LDHAL6A: variants seen among roughly 807,000 people sequenced by gnomAD.
LDHAL6A encodes the protein lactate dehydrogenase A like 6A.
In LDHAL6A, 19 loss-of-function variants were observed where a neutral mutation model predicts 28.2. The ratio of observed to expected loss-of-function variants is 0.67; its 90% CI spans 0.47 to 0.99. The LOEUF (loss-of-function observed/expected upper bound fraction) is 0.99. Among genes scored for constraint, LDHAL6A ranks in the 50% least tolerant of loss-of-function variants. LDHAL6A has a pLI of 0.00. For missense variants in LDHAL6A, 372 were observed against 398.6 expected (o/e 0.93, Z 0.57); for synonymous variants, 144 against 134.4 (o/e 1.07, Z -0.49).
intron 1 of LDHAL6A, among the ~76,000 whole-genome samples, chr11:18,462,448 T>C (rs576265304): frequency 4.6e-4 from 69 of 151,540 alleles, no homozygotes; most frequent in African/African-American, 1.6e-3. Context: ...CCATCCTGGC[T>C]AACACGGTGA....
Position 18,477,884 on chromosome 11 carries a change from G to A in LDHAL6A, c.834+141G>A, listed in dbSNP as rs1812996713. On this transcript the variant is annotated intron_variant, in intron 6 of 6. Transcript: ENST00000280706. ...AGTCTGTTCTTTGCTGCTGAAGAGT[G>A]GGGAGATTGGGGAAAGAGCCTATCT... is the stretch of plus-strand genomic sequence containing the variant. 5 of 665,460 alleles carry A rather than the reference G, an allele frequency of 7.5e-6. No individual in the cohort carries two copies. In the East Asian group the frequency reaches 1.2e-4, roughly 16 times the overall value. The allele number at this position is 665,460 out of a possible 1,614,324, so 41.2% of individuals were successfully genotyped here.
At chr11:18,474,709 A>G (rs1849330691) in intron 3 of LDHAL6A, among the ~76,000 whole-genome samples, 4 of 152,058 alleles carry the variant, frequency 2.6e-5, no homozygotes, top group African/African-American at 7.2e-5. Context: ...TTAAAAAAAT[A>G]TATTTTTTAG....
At position 18,477,693 on chromosome 11, in the gene LDHAL6A, A is replaced by C. The variant is rs1207420595; in HGVS notation, c.784A>C (p.Ser262Arg). ...CCTATCTGTAGCTGATTTAACAGAA[A>C]GTATTTTGAAGAATCTTAGGAGAGT... ...ISLSVADLTE[S>R]ILKNLRRVHP... The change falls in exon 6 of 7, where the codon AGT becomes CGT. Residue 262 changes from serine (S) to arginine (R), a missense_variant. Coordinates refer to ENST00000280706, the MANE Select transcript of LDHAL6A (RefSeq NM_144972.5). 5 of 1,613,338 alleles carry C rather than the reference A, an allele frequency of 3.1e-6. No individual in the cohort carries two copies. Among genetic ancestry groups the C allele is most frequent in the Non-Finnish European group, 4.2e-6 (5 of 1,179,720 alleles).
intron 2 of LDHAL6A, among the ~76,000 whole-genome samples, chr11:18,464,589 C>A (rs1365618963): frequency 1.3e-5 from 2 of 152,060 alleles, no homozygotes; most frequent in African/African-American, 4.8e-5. Context: ...GTGGTGCATG[C>A]CTGTAACCCC....
chr11:18,462,646 ACAAACAAACAAAAAAAAAAAC>A (rs1565067271), intron 1 of LDHAL6A, among the ~76,000 whole-genome samples: 3 of 69,432 alleles, frequency 4.3e-5, no homozygotes, highest in African/African-American at 2.8e-4. Context: ...CAAAAAACAA[ACAAACAAACAAAAAAAAAAAC>A]AAAAAAAACC....
At chr11:18,471,684 G>A (rs2133884414) in intron 3 of LDHAL6A, among the ~76,000 whole-genome samples, 1 of 150,986 alleles carries the variant, frequency 6.6e-6, no homozygotes, top group South Asian at 2.1e-4. Flanking sequence ...CAGAACTTTG[G>A]GAGGCTGAGG....
chr11:18,462,651 C>CAAAAAAAAA (rs1306112384), intron 1 of LDHAL6A, among the ~76,000 whole-genome samples: 1 of 54,398 alleles, frequency 1.8e-5, no homozygotes, highest in Non-Finnish European at 3.6e-5. Context: ...AACAAACAAA[C>CAAAAAAAAA]AAACAAAAAA....
chr11:18,475,494 G>C lies in LDHAL6A; in HGVS notation c.447G>C (p.Lys149Asn). Residue 149 changes from lysine (K) to asparagine (N), a missense_variant, in exon 4 of 7, where the codon AAG becomes AAC. Coordinates refer to ENST00000280706, the MANE Select transcript of LDHAL6A (RefSeq NM_144972.5). ...ATATCTTAACTTATGTAGCCTGGAA[G>C]TTGAGTGGATTTCCCAAAAACCGTG... Reference protein sequence around the residue: ...PVDILTYVAWKLSGFPKNRVI... With the variant: ...PVDILTYVAWNLSGFPKNRVI... The C allele has an allele frequency of 6.2e-7, 1 of 1,613,876 alleles. No homozygotes were observed. Among genetic ancestry groups the C allele is most frequent in the Non-Finnish European group, 8.5e-7 (1 of 1,179,854 alleles).
At chr11:18,459,570 C>G (rs946784317) in intron 1 of LDHAL6A, among the ~76,000 whole-genome samples, 1 of 152,218 alleles carries the variant, frequency 6.6e-6, no homozygotes, top group Non-Finnish European at 1.5e-5. Context: ...ATATCGACAT[C>G]TATCCTATTA....
At chr11:18,458,259 T>A (rs760465400) in intron 1 of LDHAL6A, among the ~76,000 whole-genome samples, 17 of 151,740 alleles carry the variant, frequency 1.1e-4, no homozygotes, top group Non-Finnish European at 1.6e-4. Context: ...TGGATAGGAG[T>A]ACAGAAGGGC....
At chr11:18,469,294 C>A in intron 3 of LDHAL6A, 2 of 509,310 alleles carry the variant, frequency 3.9e-6, no homozygotes, top group South Asian at 3.0e-5. Flanking sequence ...CACTAAAACG[C>A]CTCTACCCTC....
In LDHAL6A at chr11:18,478,949, TTGAA is replaced by T; in HGVS notation, c.*81_*84del. ...GTATATGTCAAACTTTTGAATAAATTTGAATTTCTAAAAGTTGGAAAAATAGAGG... is the reference window on the plus strand; with the variant it reads ...GTATATGTCAAACTTTTGAATAAATTTTTCTAAAAGTTGGAAAAATAGAGG... On this transcript the variant is annotated 3_prime_UTR_variant, in exon 7 of 7. Coordinates refer to ENST00000280706, the MANE Select transcript of LDHAL6A (RefSeq NM_144972.5). 1 of 1,251,390 alleles carries T rather than the reference TTGAA, an allele frequency of 8.0e-7. No individual in the cohort carries two copies. Among genetic ancestry groups the T allele is most frequent in the Non-Finnish European group, 1.1e-6 (1 of 900,136 alleles). 77.5% of individuals were successfully genotyped at this position (1,251,390 alleles called of 1,614,324 possible). A position where few individuals can be genotyped will look rare whatever the true frequency, so the allele number is the denominator to read the frequency against.
At position 18,479,314 on chromosome 11, in the gene LDHAL6A, CTTTTTTT is replaced by C. The variant is rs762101683; in HGVS notation, c.*456_*462del. ...TTTAGTATCCAGATGATAGATGACACTTTTTTTTTTTTTTTTTTAAAGTGACGGCATC... is the reference window on the plus strand; with the variant it reads ...TTTAGTATCCAGATGATAGATGACACTTTTTTTTTTTAAAGTGACGGCATC... On this transcript the variant is annotated 3_prime_UTR_variant, in exon 7 of 7. Coordinates refer to ENST00000280706, the MANE Select transcript of LDHAL6A (RefSeq NM_144972.5). 16 of 131,622 alleles carry C rather than the reference CTTTTTTT, an allele frequency of 1.2e-4. No individual in the cohort carries two copies. The highest frequency in any genetic ancestry group is 3.4e-4 in the African/African-American group (12 of 35,688). The allele number at this position is 131,622 out of a possible 1,614,324, so 8.2% of individuals were successfully genotyped here. A position where few individuals can be genotyped will look rare whatever the true frequency, so the allele number is the denominator to read the frequency against.
chr11:18,467,188 A>G (rs1849095768), intron 3 of LDHAL6A, among the ~76,000 whole-genome samples: 1 of 152,192 alleles, frequency 6.6e-6, no homozygotes, highest in South Asian at 2.1e-4. Context: ...CTCTGTGCAG[A>G]CCAACAGTGA....
chr11:18,465,467 G>A (rs1178359876), intron 2 of LDHAL6A, among the ~76,000 whole-genome samples, 170 bp from the exon 3 acceptor site: 1 of 150,244 alleles, frequency 6.7e-6, no homozygotes, highest in African/African-American at 2.5e-5. Context: ...ATGTACAAGG[G>A]AAACTTAGTG....
intron 3 of LDHAL6A, among the ~76,000 whole-genome samples, chr11:18,467,916 T>TACAC (rs1172585180): frequency 1.8e-5 from 1 of 55,004 alleles, no homozygotes; most frequent in Non-Finnish European, 3.1e-5. Flanking sequence ...TATATATATA[T>TACAC]ATACACACAC....
At chr11:18,463,066 A>T (rs947960149) in intron 1 of LDHAL6A, among the ~76,000 whole-genome samples, 1 of 152,166 alleles carries the variant, frequency 6.6e-6, no homozygotes, top group African/African-American at 2.4e-5. Context: ...GTCTGATTAT[A>T]GAACTAAAAT....
At chr11:18,469,319 T>TGA (rs1460093372) in intron 3 of LDHAL6A, 1 of 467,032 alleles carries the variant, frequency 2.1e-6, no homozygotes, top group African/African-American at 2.0e-5. Flanking sequence ...TACCGCGTCA[T>TGA]TAAGGTTATA....
In LDHAL6A at chr11:18,475,452, CT is replaced by C; in HGVS notation, c.419-9del. The C allele has an allele frequency of 6.3e-7, 1 of 1,598,794 alleles. No homozygotes were observed. Among genetic ancestry groups the C allele is most frequent in the Non-Finnish European group, 8.6e-7 (1 of 1,169,588 alleles). On this transcript the variant is annotated splice_polypyrimidine_tract_variant and intron_variant, in intron 3 of 6. Coordinates refer to ENST00000280706, the MANE Select transcript of LDHAL6A (RefSeq NM_144972.5). ...AGATGAGGACATTTCTTGATATGAACTTTTTCTTCTTAGTGGATATCTTAAC... is the reference window on the plus strand; with the variant it reads ...AGATGAGGACATTTCTTGATATGAACTTTTCTTCTTAGTGGATATCTTAAC...
Sources: allele counts gnomAD v4.1 joint callset (sites outside exome capture counted in the v4.1 genomes callset), GRCh38; gene constraint gnomAD v4.1.1; transcripts MANE v1.5; gene names NCBI Gene and HGNC (gene_info 2026-07-23, HGNC 2026-07-21).